The following GPC6 variants were observed in gnomAD, a reference collection of about 807,000 sequenced individuals.
GPC6 encodes glypican 6, also known as glypican-6.
A neutral mutation model predicts 55.2 loss-of-function variants in GPC6; 14 were observed. The ratio of observed to expected loss-of-function variants is 0.25; its 90% CI spans 0.17 to 0.40. The LOEUF is 0.40. GPC6 is among the 10% of genes least tolerant of loss of function. The pLI is 1.00. For missense variants in GPC6, 641 were observed against 708.5 expected (o/e 0.90, Z 1.08); for synonymous variants, 278 against 259.6 (o/e 1.07, Z -0.68).
intron 3 of GPC6, among the ~76,000 whole-genome samples, chr13:93,978,769 G>T (rs918092832): frequency 6.6e-6 from 1 of 151,950 alleles, no homozygotes; most frequent in Middle Eastern, 3.4e-3. Context: ...TCCTACAAAG[G>T]TAAGACTTAT....
At chr13:93,877,471 G>A (rs1228499840) in intron 3 of GPC6, among the ~76,000 whole-genome samples, 1 of 151,870 alleles carries the variant, frequency 6.6e-6, no homozygotes, top group African/African-American at 2.4e-5. Context: ...ACACAAATGA[G>A]GAATAATGTC....
At chr13:93,279,793 A>T (rs148439435) in intron 1 of GPC6, among the ~76,000 whole-genome samples, 1 of 152,226 alleles carries the variant, frequency 6.6e-6, no homozygotes, top group Non-Finnish European at 1.5e-5. Flanking sequence ...TAATTTCTTT[A>T]GAGATTGAAA....
At chr13:93,435,696 CT>C (rs1189724515) in intron 1 of GPC6, among the ~76,000 whole-genome samples, 1 of 152,148 alleles carries the variant, frequency 6.6e-6, no homozygotes, top group Non-Finnish European at 1.5e-5. Context: ...CCATGAGAGT[CT>C]TCTTAGTTCC....
intron 6 of GPC6, among the ~76,000 whole-genome samples, chr13:94,329,814 T>C (rs765113448): frequency 9.2e-5 from 14 of 151,912 alleles, no homozygotes; most frequent in Non-Finnish European, 2.1e-4. Flanking sequence ...CTTGGTCCTA[T>C]TTGGGACAAA....
upstream of GPC6, among the ~76,000 whole-genome samples, chr13:93,221,983 A>G (rs420913): frequency 0.96 from 145,405 of 152,246 alleles, 69,782 homozygotes; most frequent in East Asian, 1. Context: ...ACTGAGCAAA[A>G]GGATGATAAA....
At chr13:93,794,920 A>G (rs1489944529) in intron 2 of GPC6, among the ~76,000 whole-genome samples, 1 of 152,236 alleles carries the variant, frequency 6.6e-6, no homozygotes, top group Non-Finnish European at 1.5e-5. Flanking sequence ...TTTATAAACT[A>G]TATCACTCTT....
intron 6 of GPC6, among the ~76,000 whole-genome samples, chr13:94,376,996 T>C (rs1288128830): frequency 6.6e-6 from 1 of 151,834 alleles, no homozygotes; most frequent in Non-Finnish European, 1.5e-5. Context: ...TGGCTAGCCA[T>C]ATGTAGAAAG....
At chr13:93,971,668 G>T (rs1040209094) in intron 3 of GPC6, among the ~76,000 whole-genome samples, 3 of 152,328 alleles carry the variant, frequency 2.0e-5, no homozygotes, top group African/African-American at 7.2e-5. Flanking sequence ...ACTTAAGATG[G>T]ATAATTACTG....
At chr13:93,509,945 A>G (rs189991879) in intron 1 of GPC6, among the ~76,000 whole-genome samples, 470 of 152,318 alleles carry the variant, frequency 3.1e-3, no homozygotes, top group African/African-American at 0.01. Context: ...CCTAGCACAC[A>G]GATTTTTCTG....
At chr13:93,470,665 G>A (rs537668588) in intron 1 of GPC6, among the ~76,000 whole-genome samples, 12 of 151,986 alleles carry the variant, frequency 7.9e-5, no homozygotes, top group Middle Eastern at 3.4e-3. Flanking sequence ...AAATGATTTG[G>A]AGAAGTATTC....
intron 2 of GPC6, among the ~76,000 whole-genome samples, chr13:93,655,958 A>C (rs1880645981): frequency 6.6e-6 from 1 of 152,168 alleles, no homozygotes; most frequent in Admixed American, 6.5e-5. Flanking sequence ...CTTTTGATAA[A>C]ATATATTTTT....
chr13:93,507,153 C>G (rs889024631), intron 1 of GPC6, among the ~76,000 whole-genome samples: 1 of 150,838 alleles, frequency 6.6e-6, no homozygotes, highest in Non-Finnish European at 1.5e-5. Flanking sequence ...GTGGAGCATC[C>G]CTGTGAAAGA....
chr13:93,697,251 C>A (rs1405203516), intron 2 of GPC6, among the ~76,000 whole-genome samples: 2 of 152,110 alleles, frequency 1.3e-5, no homozygotes, highest in Non-Finnish European at 2.9e-5. Context: ...CATGAGAGAC[C>A]ATTACCTGAT....
At chr13:93,780,594 T>TACACACAC (rs35134947) in intron 2 of GPC6, among the ~76,000 whole-genome samples, 4,643 of 143,884 alleles carry the variant, frequency 0.032, 94 homozygotes, top group South Asian at 0.056. Context: ...ATCACAAAAA[T>TACACACAC]ACACACACAC....
intron 2 of GPC6, among the ~76,000 whole-genome samples, chr13:93,698,485 C>CTT (rs57058820): frequency 0.16 from 5,289 of 32,386 alleles, 886 homozygotes; most frequent in Non-Finnish European, 0.17. Flanking sequence ...CTGTGTGGGT[C>CTT]TTTTTTTTTT....
chr13:93,231,381 A>G (rs11616449), intron 1 of GPC6, among the ~76,000 whole-genome samples: 306 of 17,678 alleles, frequency 0.017, 7 homozygotes, highest in African/African-American at 0.056. Context: ...ATATATATAC[A>G]TATATATATA....
At chr13:94,211,548 T>A (rs1205947000) in intron 4 of GPC6, among the ~76,000 whole-genome samples, 1 of 152,142 alleles carries the variant, frequency 6.6e-6, no homozygotes, top group Non-Finnish European at 1.5e-5. Flanking sequence ...AGAGGAGTCA[T>A]TTGAAGGGAG....
At chr13:94,232,590 G>T (rs754363382) in intron 4 of GPC6, among the ~76,000 whole-genome samples, 2 of 152,154 alleles carry the variant, frequency 1.3e-5, no homozygotes, top group Non-Finnish European at 2.9e-5. Flanking sequence ...TTTTCTAGAA[G>T]CCAGTACAGC....
At chr13:93,396,576 A>AAATAAT (rs148474237) in intron 1 of GPC6, among the ~76,000 whole-genome samples, 15,507 of 150,336 alleles carry the variant, frequency 0.1, 890 homozygotes, top group Middle Eastern at 0.11. Context: ...TCAAAAAAGA[A>AAATAAT]AATAATAATA....
Sources: gnomAD v4.1 joint callset for allele counts (sites outside exome capture counted in the v4.1 genomes callset) on GRCh38, gnomAD v4.1.1 for gene constraint, MANE v1.5 for transcripts, NCBI Gene and HGNC (gene_info 2026-07-23, HGNC 2026-07-21) for gene names.